The following CDYL2 variants were observed in gnomAD, a reference collection of about 807,000 sequenced individuals.
The protein encoded by CDYL2 is chromodomain Y-like protein 2.
In CDYL2, 23 loss-of-function variants were observed where a neutral mutation model predicts 49.4. The observed-to-expected ratio is 0.47, with a 90% CI of 0.34 to 0.66. CDYL2 has a LOEUF of 0.66. Ranked by LOEUF, CDYL2 falls within the 30% of genes least tolerant of loss-of-function variation. The pLI is 0.01. For missense variants in CDYL2, 678 were observed against 656.4 expected, an observed-to-expected ratio of 1.03 and a Z score of -0.36; for synonymous variants, 360 against 268.8, an observed-to-expected ratio of 1.34 and a Z score of -3.32.
At chr16:80,625,091 A>T (rs928607338) in intron 3 of CDYL2, among the ~76,000 whole-genome samples, 47 of 152,234 alleles carry the variant, frequency 3.1e-4, no homozygotes, top group African/African-American at 1.1e-3. Context: ...GCTGTAAAAA[A>T]TTACTATAAA....
At chr16:80,673,434 T>C (rs982399864) in intron 2 of CDYL2, among the ~76,000 whole-genome samples, 3 of 152,230 alleles carry the variant, frequency 2.0e-5, no homozygotes, top group African/African-American at 4.8e-5. Context: ...TTAAACAAAA[T>C]AATTATTTCG....
intron 2 of CDYL2, among the ~76,000 whole-genome samples, chr16:80,663,543 T>C (rs954820416): frequency 1.3e-5 from 2 of 152,336 alleles, no homozygotes; most frequent in Middle Eastern, 3.4e-3. Context: ...ATCTAATCAC[T>C]ACATCCAACA....
chr16:80,609,889 C>CAA (rs1263126846), intron 5 of CDYL2, among the ~76,000 whole-genome samples: 8 of 152,146 alleles, frequency 5.3e-5, no homozygotes, highest in African/African-American at 1.9e-4. Flanking sequence ...GCTAAGAAAA[C>CAA]GAACATAAAC....
intron 1 of CDYL2, among the ~76,000 whole-genome samples, chr16:80,692,470 T>C (rs868794447): frequency 6.6e-6 from 1 of 152,160 alleles, no homozygotes; most frequent in East Asian, 1.9e-4. Context: ...ATTTAAAACA[T>C]GACTCAAACA....
chr16:80,620,807 G>A lies in CDYL2; in HGVS notation c.963C>T (p.Ser321=). 1 of 1,611,052 alleles carries A rather than the reference G, an allele frequency of 6.2e-7. No homozygotes were observed. Among genetic ancestry groups the A allele is most frequent in the African/African-American group, 1.3e-5 (1 of 74,970 alleles). Residue 321 remains serine, a synonymous_variant, in exon 4 of 7, where the codon TCC becomes TCT. Transcript: ENST00000570137. ...LDYSYLIGRL[S]SDRRKESTRI... Reference sequence around the variant, plus strand: ...GAGTGCTCTCCTTTCGCCGGTCGCTGGACAACCGGCCAATTAGGTAGGAAT... The same window carrying A: ...GAGTGCTCTCCTTTCGCCGGTCGCTAGACAACCGGCCAATTAGGTAGGAAT...
chr16:80,676,854 G>T lies in CDYL2; in HGVS notation c.616+7684C>A, dbSNP rs560878782. On this transcript the variant is annotated intron_variant, in intron 2 of 6. Transcript: ENST00000570137. ...AGGGGTTATCTGCTCTAGAATGTGT[G>T]GTCAGATGATCTATTCTAGAACGTT... is the stretch of plus-strand genomic sequence containing the variant. Among the ~76,000 whole-genome samples, 12 of 152,030 alleles carry T rather than the reference G, an allele frequency of 7.9e-5. No homozygotes were observed. In the South Asian group the frequency reaches 1.9e-3, roughly 24 times the overall value.
chr16:80,623,673 G>A (rs1907182432), intron 3 of CDYL2, among the ~76,000 whole-genome samples: 1 of 152,156 alleles, frequency 6.6e-6, no homozygotes, highest in South Asian at 2.1e-4. Flanking sequence ...GCCTTCTGGG[G>A]GAGTCACTTG....
chr16:80,628,969 G>A (rs1371203528), intron 3 of CDYL2, among the ~76,000 whole-genome samples: 1 of 152,158 alleles, frequency 6.6e-6, no homozygotes, highest in Non-Finnish European at 1.5e-5. Context: ...AGTGAAGCAA[G>A]GAGGAAGAAA....
At chr16:80,736,009 G>A (rs1474141726) in intron 1 of CDYL2, among the ~76,000 whole-genome samples, 26 of 152,178 alleles carry the variant, frequency 1.7e-4, no homozygotes, top group Admixed American at 1.5e-3. Context: ...GGCTCCATCC[G>A]CTGGACTAAG....
rs188372970 is a variant in CDYL2 at position 80,792,492 on chromosome 16, C to A, written c.24+11658G>T. ...AGTCAAAGAAACCATAAGCATGCTCCTAACACATGGCCAGTCTATCAGTTC... is the reference window on the plus strand; with the variant it reads ...AGTCAAAGAAACCATAAGCATGCTCATAACACATGGCCAGTCTATCAGTTC... On this transcript the variant is annotated intron_variant, in intron 1 of 6. Transcript: ENST00000570137. 4.5e-4 allele frequency among the ~76,000 whole-genome samples: 68 copies of A among 152,258 alleles called. 1 individual carries two copies. The highest frequency in any genetic ancestry group is 1.5e-3 in the African/African-American group (61 of 41,548).
At chr16:80,758,818 A>G (rs1906411479) in intron 1 of CDYL2, among the ~76,000 whole-genome samples, 1 of 151,746 alleles carries the variant, frequency 6.6e-6, no homozygotes, top group East Asian at 1.9e-4. Context: ...CCGGGATTAC[A>G]GGCGTGAGCC....
chr16:80,669,586 A>T (rs1426626083), intron 2 of CDYL2, among the ~76,000 whole-genome samples: 2 of 152,154 alleles, frequency 1.3e-5, no homozygotes, highest in African/African-American at 2.4e-5. Context: ...GATCTCCCTC[A>T]GCCGGGGGAT....
At chr16:80,721,894 C>G (rs1420211243) in intron 1 of CDYL2, among the ~76,000 whole-genome samples, 1 of 152,154 alleles carries the variant, frequency 6.6e-6, no homozygotes, top group Non-Finnish European at 1.5e-5. Context: ...ACCTGCTGGG[C>G]TGCAAATTCA....
chr16:80,729,222 C>T (rs1044256316), intron 1 of CDYL2, among the ~76,000 whole-genome samples: 1 of 152,092 alleles, frequency 6.6e-6, no homozygotes, highest in African/African-American at 2.4e-5. Context: ...CGTGCAGAGA[C>T]ACACATAGGC....
intron 1 of CDYL2, among the ~76,000 whole-genome samples, chr16:80,770,242 G>C (rs930346547): frequency 6.6e-6 from 1 of 152,130 alleles, no homozygotes; most frequent in South Asian, 2.1e-4. Context: ...CTTTACTGCA[G>C]ATTAAAAGAT....
At chr16:80,623,871 G>C (rs1243537138) in intron 3 of CDYL2, among the ~76,000 whole-genome samples, 2 of 152,116 alleles carry the variant, frequency 1.3e-5, no homozygotes, top group African/African-American at 4.8e-5. Context: ...TAGCAGTGTG[G>C]CTACGGGAGC....
intron 1 of CDYL2, among the ~76,000 whole-genome samples, chr16:80,714,660 C>A (rs549243044): frequency 9.2e-5 from 14 of 152,306 alleles, no homozygotes; most frequent in Middle Eastern, 6.8e-3. Flanking sequence ...ACTTTCTCTG[C>A]TCCTACCCCA....
At chr16:80,777,194 AAGG>A (rs1907115470) in intron 1 of CDYL2, among the ~76,000 whole-genome samples, 1 of 152,176 alleles carries the variant, frequency 6.6e-6, no homozygotes. Flanking sequence ...GGGGAGACGG[AAGG>A]AGTACACTGA....
At chr16:80,793,834 T>C (rs1006167392) in intron 1 of CDYL2, among the ~76,000 whole-genome samples, 1 of 152,202 alleles carries the variant, frequency 6.6e-6, no homozygotes, top group African/African-American at 2.4e-5. Context: ...CCGAGAATAA[T>C]AAAGCCTGTT....
Sources: allele counts gnomAD v4.1 joint callset (sites outside exome capture counted in the v4.1 genomes callset), GRCh38; gene constraint gnomAD v4.1.1; transcripts MANE v1.5; gene names NCBI Gene and HGNC (gene_info 2026-07-23, HGNC 2026-07-21).